The following MYO1D variants were observed in gnomAD, a reference collection of about 807,000 sequenced individuals.
MYO1D encodes myosin ID.
In MYO1D, 83 loss-of-function variants were observed where a neutral mutation model predicts 122.0. The ratio of observed to expected loss-of-function variants is 0.68; its 90% CI spans 0.57 to 0.82. The LOEUF (loss-of-function observed/expected upper bound fraction) is 0.82. MYO1D is among the 40% of genes least tolerant of loss of function. MYO1D has a pLI of 0.00. For missense variants in MYO1D, 1,157 were observed against 1,269.5 expected (o/e 0.91, Z 1.35); for synonymous variants, 464 against 446.9 (o/e 1.04, Z -0.48).
At chr17:32,566,123 T>C (rs1196278083) in intron 21 of MYO1D, among the ~76,000 whole-genome samples, 4 of 152,082 alleles carry the variant, frequency 2.6e-5, no homozygotes, top group Non-Finnish European at 5.9e-5. Flanking sequence ...CCTGTGCTTC[T>C]AGACGGGGAG....
chr17:32,563,766 C>T (rs1196752879), intron 21 of MYO1D, among the ~76,000 whole-genome samples: 3 of 152,228 alleles, frequency 2.0e-5, no homozygotes. Context: ...GCGTGGCTTC[C>T]TCATTCCTCA....
At chr17:32,503,955 C>T (rs1909409381) in intron 21 of MYO1D, among the ~76,000 whole-genome samples, 1 of 152,236 alleles carries the variant, frequency 6.6e-6, no homozygotes, top group Non-Finnish European at 1.5e-5. Flanking sequence ...TTACCACAGT[C>T]ACCTATAAGG....
chr17:32,627,852 T>C (rs1789701431), intron 20 of MYO1D: 1 of 152,162 alleles, frequency 6.6e-6, no homozygotes. Flanking sequence ...GGCAAACAGA[T>C]TTTTTGTTTA....
intron 8 of MYO1D, among the ~76,000 whole-genome samples, chr17:32,762,265 T>C (rs2090009243): frequency 6.6e-6 from 1 of 152,032 alleles, no homozygotes; most frequent in African/African-American, 2.4e-5. Flanking sequence ...AGAAGACTAA[T>C]GTGCTGGGCT....
chr17:32,522,689 C>A (rs749676340), intron 21 of MYO1D, among the ~76,000 whole-genome samples: 1 of 152,072 alleles, frequency 6.6e-6, no homozygotes, highest in Non-Finnish European at 1.5e-5. Context: ...CACGGAAAAA[C>A]GAGTGGGGTA....
chr17:32,649,225 A>G (rs2088348350), intron 19 of MYO1D, among the ~76,000 whole-genome samples: 1 of 152,206 alleles, frequency 6.6e-6, no homozygotes, highest in South Asian at 2.1e-4. Flanking sequence ...GATCATTTTT[A>G]AGTGTATAGG....
intron 16 of MYO1D, among the ~76,000 whole-genome samples, chr17:32,660,211 T>C (rs2088543588): frequency 6.6e-6 from 1 of 152,240 alleles, no homozygotes; most frequent in Non-Finnish European, 1.5e-5. Flanking sequence ...CTTTCTTCGA[T>C]GAACTCCTTG....
chr17:32,776,066 T>C, intron 3 of MYO1D, 37 bp from the exon 4 acceptor site: 1 of 1,574,028 alleles, frequency 6.4e-7, no homozygotes, highest in Non-Finnish European at 8.6e-7. Flanking sequence ...TATAAAAACT[T>C]ATAGAGACTA....
In MYO1D at chr17:32,877,013, G is replaced by C. The variant is rs2091241347; in HGVS notation, c.-141C>G. 6.2e-6 allele frequency: 2 copies of C among 324,534 alleles called. No individual in the cohort carries two copies. The highest frequency in any genetic ancestry group is 2.8e-4 in the South Asian group (2 of 7,264). 20.1% of individuals were successfully genotyped at this position (324,534 alleles called of 1,614,324 possible). On this transcript the variant is annotated 5_prime_UTR_variant, in exon 1 of 22. Coordinates refer to ENST00000318217, the MANE Select transcript of MYO1D (RefSeq NM_015194.3). ...GGCGCGCACGCCGCTCGGCGGGTCC[G>C]GGCCGGACAGAGGCCGCCTCGCTGC...
intron 14 of MYO1D, among the ~76,000 whole-genome samples, chr17:32,726,012 T>C (rs2089568203): frequency 6.6e-6 from 1 of 152,212 alleles, no homozygotes; most frequent in African/African-American, 2.4e-5. Context: ...TCTTCAAGAA[T>C]GAAAACAGTA....
At chr17:32,780,519 A>G in intron 2 of MYO1D, 57 bp downstream of exon 2, 1 of 1,526,366 alleles carries the variant, frequency 6.6e-7, no homozygotes. Context: ...ATTCTTGAGT[A>G]TCAAACAAAT....
intron 2 of MYO1D, among the ~76,000 whole-genome samples, chr17:32,779,223 T>C (rs1338271272): frequency 6.6e-6 from 1 of 152,078 alleles, no homozygotes; most frequent in Non-Finnish European, 1.5e-5. Context: ...TACTAAAAAA[T>C]ACTAACATAA....
chr17:32,656,592 G>A (rs1019421771), intron 17 of MYO1D, among the ~76,000 whole-genome samples: 8 of 152,202 alleles, frequency 5.3e-5, no homozygotes, highest in African/African-American at 1.9e-4. Flanking sequence ...GTCAGAGATA[G>A]TAGGTTGCCA....
intron 16 of MYO1D, among the ~76,000 whole-genome samples, chr17:32,665,490 C>T (rs2088624596): frequency 6.6e-6 from 1 of 152,236 alleles, no homozygotes; most frequent in Non-Finnish European, 1.5e-5. Flanking sequence ...TTGAATCTTT[C>T]ACTTCGGCTG....
chr17:32,847,985 G>A (rs4316806), intron 1 of MYO1D, among the ~76,000 whole-genome samples: 53,590 of 152,080 alleles, frequency 0.35, 10,944 homozygotes, highest in East Asian at 0.54. Context: ...TAAAGTACAA[G>A]TATTTCCTAC....
rs1222252911 is a variant in MYO1D at position 32,771,161 on chromosome 17, T to C, written c.678A>G (p.Ser226=). The C allele has an allele frequency of 6.2e-7, 1 of 1,611,564 alleles. No homozygotes were observed. The highest frequency in any genetic ancestry group is 8.5e-7 in the Non-Finnish European group (1 of 1,177,840). The change falls in exon 6 of 22, where the codon TCA becomes TCG. Residue 226 remains serine (S), a synonymous_variant. Transcript: ENST00000318217. ...CTCCCACATGAATATAGTTGTAGGA[T>C]GAAAGGGATTTCTGGAGATGTAGAG... ...LRSLHLQKSL[S]SYNYIHVGAQ... is the part of the protein sequence containing the mutation.
intron 1 of MYO1D, among the ~76,000 whole-genome samples, chr17:32,788,379 AGT>A (rs2090318352): frequency 6.6e-6 from 1 of 152,034 alleles, no homozygotes; most frequent in Non-Finnish European, 1.5e-5. Flanking sequence ...TGTCTAGAAG[AGT>A]TTTTCTATGT....
chr17:32,692,295 T>TTA (rs2089113887), intron 16 of MYO1D, among the ~76,000 whole-genome samples: 1 of 152,212 alleles, frequency 6.6e-6, no homozygotes, highest in Non-Finnish European at 1.5e-5. Flanking sequence ...TTGGTAGTAG[T>TTA]TATATACATT....
chr17:32,767,716 C>T lies in MYO1D; in HGVS notation c.751G>A (p.Ala251Thr), dbSNP rs1241508300. 3 of 1,613,700 alleles carry T rather than the reference C, an allele frequency of 1.9e-6. No homozygotes were observed. Among genetic ancestry groups the T allele is most frequent in the Non-Finnish European group, 2.5e-6 (3 of 1,179,908 alleles). Residue 251 changes from alanine (A) to threonine (T), a missense_variant, in exon 7 of 22, where the codon GCT (alanine) becomes ACT (threonine). Physicochemically the swap from Ala to Thr is moderately conservative, Grantham distance 58 (BLOSUM62 0). Transcript: ENST00000318217. ...INDAAEFRVVADAMKVIGFKP... is the reference protein window; with the variant it reads ...INDAAEFRVVTDAMKVIGFKP... ...AAGCCAATGACTTTCATGGCATCAG[C>T]AACAACTCTGAATTCGGCAGCATCA...
Sources: gnomAD v4.1 joint callset for allele counts (sites outside exome capture counted in the v4.1 genomes callset) on GRCh38, gnomAD v4.1.1 for gene constraint, MANE v1.5 for transcripts, NCBI Gene and HGNC (gene_info 2026-07-23, HGNC 2026-07-21) for gene names.